The following NFAT5 variants were observed in gnomAD, a reference collection of about 807,000 sequenced individuals.
NFAT5 encodes the protein nuclear factor of activated T-cells 5.
NFAT5 carries 31 observed loss-of-function variants against 166.5 expected under a neutral mutation model. That is an observed-to-expected ratio of 0.19 (90% CI 0.14 to 0.25). The LOEUF (loss-of-function observed/expected upper bound fraction) is 0.25, where lower values mean the gene tolerates loss of function less well. Ranked by LOEUF, NFAT5 falls within the 10% of genes least tolerant of loss-of-function variation. The pLI, the probability that NFAT5 is intolerant of heterozygous loss-of-function variation, is 1.00. For synonymous variants in NFAT5, 612 were observed against 639.7 expected, an observed-to-expected ratio of 0.96 and a Z score of 0.65; for missense variants, 1,449 against 1,821.8, an observed-to-expected ratio of 0.80 and a Z score of 3.72.
chr16:69,594,135 G>C (rs2032645281), intron 2 of NFAT5, among the ~76,000 whole-genome samples: 1 of 152,114 alleles, frequency 6.6e-6, no homozygotes, highest in South Asian at 2.1e-4. Flanking sequence ...TTTATGATGG[G>C]GTATGTTCTG....
At chr16:69,568,338 A>ATGTG (rs1567505195) in intron 1 of NFAT5, among the ~76,000 whole-genome samples, 157 bp from the exon 2 acceptor site, 4 of 35,248 alleles carry the variant, frequency 1.1e-4, no homozygotes, top group African/African-American at 8.6e-4. Flanking sequence ...ATGTGTGTAT[A>ATGTG]TATATATATG....
intron 13 of NFAT5, 53 bp from the exon 14 acceptor site, chr16:69,695,083 G>T: frequency 7.7e-7 from 1 of 1,290,476 alleles, no homozygotes; most frequent in Admixed American, 2.0e-5. Flanking sequence ...TATTTTTAAT[G>T]TTTCTGCAGA....
chr16:69,608,302 A>G (rs535737236), intron 2 of NFAT5, among the ~76,000 whole-genome samples: 1 of 152,258 alleles, frequency 6.6e-6, no homozygotes, highest in South Asian at 2.1e-4. Context: ...GCATACATAC[A>G]ATGATCACTA....
chr16:69,613,828 T>G (rs944330573), intron 2 of NFAT5, among the ~76,000 whole-genome samples: 2 of 152,234 alleles, frequency 1.3e-5, no homozygotes, highest in Non-Finnish European at 2.9e-5. Context: ...GACTTTCTTT[T>G]GTATTGTGTC....
rs973253207 is a variant in NFAT5, at chr16:69,703,293, T to G, written c.*6942T>G. ...AAACTTCTTCAAAAGTAGCTTGCTT[T>G]GTATAAGAACTAAGCTATCAGTATA... On this transcript the variant is annotated 3_prime_UTR_variant, in exon 15 of 15. Transcript: ENST00000349945. The G allele has an allele frequency of 6.5e-6, 1 of 152,672 alleles. No homozygotes were observed. Among genetic ancestry groups the G allele is most frequent in the Non-Finnish European group, 1.5e-5 (1 of 68,042 alleles). 9.5% of individuals were successfully genotyped at this position (152,672 alleles called of 1,614,324 possible). A position where few individuals can be genotyped will look rare whatever the true frequency, so the allele number is the denominator to read the frequency against.
chr16:69,571,078 G>A (rs377292652), intron 2 of NFAT5, among the ~76,000 whole-genome samples: 2 of 144,264 alleles, frequency 1.4e-5, no homozygotes, highest in Non-Finnish European at 3.0e-5. Context: ...TATCACTTGA[G>A]GTCAGGAGTT....
intron 10 of NFAT5, among the ~76,000 whole-genome samples, chr16:69,684,476 C>CT (rs2037204433): frequency 6.6e-6 from 1 of 151,796 alleles, no homozygotes; most frequent in Non-Finnish European, 1.5e-5. Context: ...CAGAGAATTG[C>CT]TTGAACCCAG....
intron 6 of NFAT5, 87 bp from the exon 7 acceptor site, chr16:69,659,640 A>G (rs2036037602): frequency 8.4e-7 from 1 of 1,189,160 alleles, no homozygotes; most frequent in Non-Finnish European, 1.1e-6. Context: ...ATAGATAAGC[A>G]AAATTTTAAA....
At chr16:69,585,174 T>C (rs566433298) in intron 2 of NFAT5, among the ~76,000 whole-genome samples, 5 of 151,078 alleles carry the variant, frequency 3.3e-5, no homozygotes, top group African/African-American at 9.7e-5. Flanking sequence ...ATTATTATTA[T>C]TTTTTTTTGT....
intron 7 of NFAT5, among the ~76,000 whole-genome samples, chr16:69,662,758 C>G (rs1259229571): frequency 6.6e-6 from 1 of 151,672 alleles, no homozygotes; most frequent in African/African-American, 2.4e-5. Context: ...CTGCGCCCGG[C>G]CGACAACACC....
Position 69,670,067 on chromosome 16 carries a change from A to G in NFAT5, c.1460A>G (p.Asn487Ser). 1 of 1,613,302 alleles carries G rather than the reference A, an allele frequency of 6.2e-7. No homozygotes were observed. The highest frequency in any genetic ancestry group is 1.1e-5 in the South Asian group (1 of 90,812). The change falls in exon 8 of 15, where the codon AAC becomes AGC. Residue 487 changes from asparagine (N) to serine (S), a missense_variant. Asn to Ser is a conservative substitution (Grantham distance 46). Around this residue, in one of 7 missense-constraint regions of NFAT5, gnomAD observed 245 missense variants for 366.6 expected, o/e 0.67. Coordinates refer to ENST00000349945, the MANE Select transcript of NFAT5 (RefSeq NM_138713.4). ...GAAGAAGTGTTTTTAATCGGCAAGAACTTTCTGAAAGGAACTAAAGTTATT... is the reference window on the plus strand; with the variant it reads ...GAAGAAGTGTTTTTAATCGGCAAGAGCTTTCTGAAAGGAACTAAAGTTATT... ...GEEEVFLIGK[N>S]FLKGTKVIFQ... is the part of the protein sequence containing the mutation.
intron 6 of NFAT5, 76 bp downstream of exon 6, chr16:69,655,875 A>G: frequency 8.9e-7 from 1 of 1,117,714 alleles, no homozygotes; most frequent in Non-Finnish European, 1.2e-6. Flanking sequence ...TCTAATGTAT[A>G]GAAGATTTTT....
Position 69,693,343 on chromosome 16 carries a change from T to C in NFAT5, c.3518T>C (p.Val1173Ala). 1 of 1,614,206 alleles carries C rather than the reference T, an allele frequency of 6.2e-7. No homozygotes were observed. The highest frequency in any genetic ancestry group is 2.2e-5 in the East Asian group (1 of 44,886). Reference sequence around the variant, plus strand: ...ATGAATAATCTTCAGACTAACACAGTAGCCCAAGAAGCATTTTTTGCAGCA... The same window carrying C: ...ATGAATAATCTTCAGACTAACACAGCAGCCCAAGAAGCATTTTTTGCAGCA... ...SPMNNLQTNT[V>A]AQEAFFAAPN... Residue 1173 changes from valine to alanine, a missense_variant, in exon 13 of 15, where the codon GTA becomes GCA. By Grantham distance (64) the Val-to-Ala change is moderately conservative. Coordinates refer to ENST00000349945, the MANE Select transcript of NFAT5 (RefSeq NM_138713.4).
intron 7 of NFAT5, among the ~76,000 whole-genome samples, chr16:69,663,764 C>A (rs993673639): frequency 1.3e-5 from 2 of 151,906 alleles, no homozygotes; most frequent in Non-Finnish European, 2.9e-5. Context: ...GTAGACCCAG[C>A]TACTTGAGAG....
chr16:69,639,569 A>T (rs1000278021), intron 3 of NFAT5, among the ~76,000 whole-genome samples: 49 of 152,184 alleles, frequency 3.2e-4, no homozygotes, highest in South Asian at 2.9e-3. Flanking sequence ...TATTTTTTTT[A>T]AAAAAATAGA....
At chr16:69,600,076 T>C (rs2033042510) in intron 2 of NFAT5, among the ~76,000 whole-genome samples, 1 of 151,630 alleles carries the variant, frequency 6.6e-6, no homozygotes, top group Non-Finnish European at 1.5e-5. Flanking sequence ...ATTGTAGTAT[T>C]GGAGGTTGTT....
At chr16:69,662,124 T>G (rs2036171553) in intron 7 of NFAT5, among the ~76,000 whole-genome samples, 1 of 152,148 alleles carries the variant, frequency 6.6e-6, no homozygotes, top group Non-Finnish European at 1.5e-5. Flanking sequence ...ATAAAGATAC[T>G]ATACTGCACA....
intron 3 of NFAT5, among the ~76,000 whole-genome samples, 186 bp from the exon 4 acceptor site, chr16:69,646,841 AT>A (rs2151620773): frequency 6.6e-6 from 1 of 152,356 alleles, no homozygotes; most frequent in South Asian, 2.1e-4. Flanking sequence ...CTATTTGGGC[AT>A]TTTTAAAAAT....
In NFAT5 at chr16:69,663,738, G is replaced by C. The variant is rs143079468; in HGVS notation, c.1369+3839G>C. 7.6e-4 allele frequency among the ~76,000 whole-genome samples: 115 copies of C among 152,044 alleles called. 1 individual carries two copies. In the East Asian group the frequency reaches 0.018, roughly 24 times the overall value. On this transcript the variant is annotated intron_variant, in intron 7 of 14. Coordinates refer to ENST00000349945, the MANE Select transcript of NFAT5 (RefSeq NM_138713.4). Reference sequence around the variant, plus strand: ...AAAAAATGTTTTAAGTTAGCTGGGCGTGGTGGCATGTCCCTGTAGACCCAG... The same window carrying C: ...AAAAAATGTTTTAAGTTAGCTGGGCCTGGTGGCATGTCCCTGTAGACCCAG...
Sources: allele counts gnomAD v4.1 joint callset (sites outside exome capture counted in the v4.1 genomes callset), GRCh38; gene constraint gnomAD v4.1.1; regional missense constraint gnomAD v4.1.1; transcripts MANE v1.5; gene names NCBI Gene and HGNC (gene_info 2026-07-23, HGNC 2026-07-21).